NTN1: variants seen among roughly 807,000 people sequenced by gnomAD.
The protein encoded by NTN1 is netrin-1.
In NTN1, 11 loss-of-function variants were observed where a neutral mutation model predicts 54.2. The observed-to-expected ratio is 0.20, with a 90% confidence interval of 0.13 to 0.34. The LOEUF is 0.34. Ranked by LOEUF, NTN1 falls within the 10% of genes least tolerant of loss-of-function variation. The probability of loss-of-function intolerance (pLI) is 1.00; values close to 1 mark genes in which losing one functional copy is unlikely to be tolerated. For synonymous variants in NTN1, 371 were observed against 382.0 expected, an observed-to-expected ratio of 0.97 and a Z score of 0.33; for missense variants, 740 against 893.1, an observed-to-expected ratio of 0.83 and a Z score of 2.18.
At chr17:9,072,920 T>C (rs1253752416) in intron 2 of NTN1, among the ~76,000 whole-genome samples, 1 of 152,228 alleles carries the variant, frequency 6.6e-6, no homozygotes, top group Non-Finnish European at 1.5e-5. Context: ...TGGGACTGTT[T>C]ACTTTTTTCT....
At chr17:9,113,944 C>G (rs2092200764) in intron 2 of NTN1, among the ~76,000 whole-genome samples, 1 of 151,644 alleles carries the variant, frequency 6.6e-6, no homozygotes, top group Middle Eastern at 3.4e-3. Flanking sequence ...GGGCGGATCA[C>G]TTGAGGTCAG....
At chr17:9,092,304 ATTTTC>A (rs1386649809) in intron 2 of NTN1, among the ~76,000 whole-genome samples, 1 of 129,632 alleles carries the variant, frequency 7.7e-6, no homozygotes, top group Non-Finnish European at 1.6e-5. Context: ...GAGAGGCCAC[ATTTTC>A]TTTTCTTCTC....
chr17:9,097,591 C>T (rs1423462601), intron 2 of NTN1, among the ~76,000 whole-genome samples: 1 of 152,080 alleles, frequency 6.6e-6, no homozygotes, highest in Non-Finnish European at 1.5e-5. Context: ...TGCCACTGTA[C>T]TCTAGCCTGG....
At chr17:9,023,503 G>T (rs1222298727) in intron 2 of NTN1, 112 bp downstream of exon 2, 35 of 1,246,796 alleles carry the variant, frequency 2.8e-5, no homozygotes, top group Non-Finnish European at 3.4e-5. Flanking sequence ...GGCGGGAGGC[G>T]CGTTCGCCGA....
chr17:9,241,861 G>A lies in NTN1; in HGVS notation c.*1893G>A, dbSNP rs1203274010. 1 of 152,276 alleles carries A rather than the reference G, an allele frequency of 6.6e-6. No homozygotes were observed. Among genetic ancestry groups the A allele is most frequent in the Non-Finnish European group, 1.5e-5 (1 of 68,084 alleles). 9.4% of individuals were successfully genotyped at this position (152,276 alleles called of 1,614,324 possible). A position where few individuals can be genotyped will look rare whatever the true frequency, so the allele number is the denominator to read the frequency against. On this transcript the variant is annotated 3_prime_UTR_variant, in exon 7 of 7. Transcript: ENST00000173229. Reference sequence around the variant, plus strand: ...ACTCCAGAGCCCGACTTTCTGACCAGGGGCCACGCTGGCCCTCACTGCACT... The same window carrying A: ...ACTCCAGAGCCCGACTTTCTGACCAAGGGCCACGCTGGCCCTCACTGCACT...
intron 5 of NTN1, among the ~76,000 whole-genome samples, chr17:9,185,351 C>T (rs374940316): frequency 9.1e-4 from 138 of 152,144 alleles, no homozygotes; most frequent in African/African-American, 2.9e-3. Context: ...CCACTCTTGC[C>T]GTGTTTGAAT....
intron 5 of NTN1, among the ~76,000 whole-genome samples, chr17:9,210,905 GAAAAAAAAAAAAA>G (rs58541910): frequency 1.0e-3 from 24 of 23,488 alleles, no homozygotes; most frequent in East Asian, 9.0e-3. Context: ...GACTCCATCT[GAAAAAAAAAAAAA>G]AAAAAAAAAA....
chr17:9,193,226 AC>A (rs1209048585), intron 5 of NTN1, among the ~76,000 whole-genome samples: 9 of 152,196 alleles, frequency 5.9e-5, no homozygotes, highest in African/African-American at 2.2e-4. Context: ...AGTGAAATGT[AC>A]CCCAAATTCC....
At chr17:9,085,756 A>C (rs2092088108) in intron 2 of NTN1, among the ~76,000 whole-genome samples, 1 of 152,178 alleles carries the variant, frequency 6.6e-6, no homozygotes, top group African/African-American at 2.4e-5. Flanking sequence ...GGCCGTTTTC[A>C]TTCAGCCAAT....
intron 5 of NTN1, among the ~76,000 whole-genome samples, chr17:9,214,072 A>AT (rs1175173807): frequency 7.4e-5 from 11 of 148,958 alleles, no homozygotes; most frequent in East Asian, 5.9e-4. Flanking sequence ...GTATTTATGT[A>AT]TTTTTTCTGT....
chr17:9,038,267 A>C (rs1377527609), intron 2 of NTN1, among the ~76,000 whole-genome samples: 1 of 145,952 alleles, frequency 6.9e-6, no homozygotes, highest in African/African-American at 2.6e-5. Context: ...CTCTCTCTCC[A>C]CACACACACA....
chr17:9,175,314 C>T (rs974455212), intron 3 of NTN1: 1 of 152,186 alleles, frequency 6.6e-6, no homozygotes. Flanking sequence ...CTCTCTTCAC[C>T]GACAAACCAA....
chr17:9,235,938 G>A (rs1369512128), intron 6 of NTN1, among the ~76,000 whole-genome samples: 2 of 151,852 alleles, frequency 1.3e-5, no homozygotes, highest in East Asian at 1.9e-4. Context: ...TTTTAGTAGA[G>A]ACAATCTGCC....
intron 2 of NTN1, among the ~76,000 whole-genome samples, chr17:9,046,597 G>A (rs2091942093): frequency 6.6e-6 from 1 of 152,082 alleles, no homozygotes; most frequent in African/African-American, 2.4e-5. Context: ...GACCAGCCTG[G>A]GCAACATGGC....
At chr17:9,235,918 A>AT (rs1905973198) in intron 6 of NTN1, among the ~76,000 whole-genome samples, 2 of 151,634 alleles carry the variant, frequency 1.3e-5, no homozygotes, top group Non-Finnish European at 2.9e-5. Flanking sequence ...CGCCCAGCTA[A>AT]TTTTTTGTAT....
At chr17:9,189,381 T>G (rs2142325996) in intron 5 of NTN1, among the ~76,000 whole-genome samples, 1 of 152,302 alleles carries the variant, frequency 6.6e-6, no homozygotes, top group African/African-American at 2.4e-5. Flanking sequence ...AGACGAAGTT[T>G]TGCTCTTTCG....
chr17:9,228,908 C>CTGACTGTG (rs11281340), intron 6 of NTN1, among the ~76,000 whole-genome samples: 5 of 149,616 alleles, frequency 3.3e-5, no homozygotes, highest in Middle Eastern at 3.4e-3. Flanking sequence ...GTGTTCGTGA[C>CTGACTGTG]TGTGTGTGAC....
intron 2 of NTN1, among the ~76,000 whole-genome samples, chr17:9,028,074 G>A (rs1278361921): frequency 4.6e-5 from 7 of 151,826 alleles, no homozygotes; most frequent in Admixed American, 3.3e-4. Context: ...GCAGTGAGCC[G>A]AGATCACGCC....
At chr17:9,173,340 T>A (rs1041906807) in intron 3 of NTN1, 8 of 152,242 alleles carry the variant, frequency 5.3e-5, no homozygotes, top group African/African-American at 1.9e-4. Flanking sequence ...TGACATCATC[T>A]TCTCTCCAGT....
Sources: gnomAD v4.1 joint callset for allele counts (sites outside exome capture counted in the v4.1 genomes callset) on GRCh38, gnomAD v4.1.1 for gene constraint, MANE v1.5 for transcripts, NCBI Gene and HGNC (gene_info 2026-07-23, HGNC 2026-07-21) for gene names.